Variants in ANKRD30BL observed in about 807,000 individuals in gnomAD.
The protein encoded by ANKRD30BL is putative ankyrin repeat domain-containing protein 30B-like.
A neutral mutation model predicts 18.4 loss-of-function variants in ANKRD30BL; 20 were observed. The observed-to-expected ratio is 1.09, with a 90% CI of 0.77 to 1.58. ANKRD30BL has a LOEUF of 1.58. Among genes scored for constraint, ANKRD30BL ranks in the 40% most tolerant of loss-of-function variants. The pLI is 0.00. For synonymous variants in ANKRD30BL, 72 were observed against 100.9 expected, an observed-to-expected ratio of 0.71 and a Z score of 1.72; for missense variants, 224 against 268.6, an observed-to-expected ratio of 0.83 and a Z score of 1.16.
intron 1 of ANKRD30BL, among the ~76,000 whole-genome samples, chr2:132,195,093 G>A (rs1199148568): frequency 6.6e-6 from 1 of 151,934 alleles, no homozygotes; most frequent in Non-Finnish European, 1.5e-5. Context: ...GATATAAATA[G>A]GAAAAAGTGA....
chr2:132,245,548 C>T lies in ANKRD30BL; in HGVS notation n.441+11981G>A, dbSNP rs574736234. 9.0e-3 allele frequency among the ~76,000 whole-genome samples: 1,354 copies of T among 151,244 alleles called. 4 individuals are homozygous for T. Among genetic ancestry groups the T allele is most frequent in the Non-Finnish European group, 0.013 (891 of 67,264 alleles). On this transcript the variant is annotated intron_variant and non_coding_transcript_variant, in intron 1 of 4. Transcript: ENST00000470729. ...TTTCATAGAGCAGTTTTGAAACACT[C>T]TTTTTGTTGAATCTGTAAGTTGAAA...
chr2:132,209,972 A>C (rs1377599891), intron 1 of ANKRD30BL, among the ~76,000 whole-genome samples: 1 of 152,028 alleles, frequency 6.6e-6, no homozygotes, highest in Non-Finnish European at 1.5e-5. Flanking sequence ...TTTTTGTAGA[A>C]TCTGCGAGTG....
chr2:132,166,920 C>T (rs1688197197), upstream of ANKRD30BL, among the ~76,000 whole-genome samples: 1 of 151,866 alleles, frequency 6.6e-6, no homozygotes, highest in African/African-American at 2.4e-5. Flanking sequence ...TAATAATATG[C>T]ATTTAATACT....
At chr2:132,195,010 A>G (rs1228008716) in intron 1 of ANKRD30BL, among the ~76,000 whole-genome samples, 2 of 152,220 alleles carry the variant, frequency 1.3e-5, no homozygotes, top group Non-Finnish European at 2.9e-5. Context: ...TGCTGTTCAC[A>G]GCTAGTGTGA....
At chr2:132,159,571 A>G (rs1688001025) in intron 1 of ANKRD30BL, among the ~76,000 whole-genome samples, 1 of 152,166 alleles carries the variant, frequency 6.6e-6, no homozygotes, top group Admixed American at 6.5e-5. Context: ...TAGATCTGCA[A>G]TTTATATCTC....
chr2:132,154,392 C>T (rs1221676218), intron 4 of ANKRD30BL, among the ~76,000 whole-genome samples: 2 of 152,152 alleles, frequency 1.3e-5, no homozygotes, highest in African/African-American at 4.8e-5. Context: ...TACAGAACCA[C>T]TTTAGCTAAT....
At chr2:132,209,285 T>C (rs10211537) in intron 1 of ANKRD30BL, among the ~76,000 whole-genome samples, 5,856 of 151,976 alleles carry the variant, frequency 0.039, 389 homozygotes, top group African/African-American at 0.13. Context: ...GAAACACTCT[T>C]TTTGTAGTAT....
intron 1 of ANKRD30BL, among the ~76,000 whole-genome samples, chr2:132,254,953 T>G (rs1680783101): frequency 6.6e-6 from 1 of 152,196 alleles, no homozygotes; most frequent in Non-Finnish European, 1.5e-5. Context: ...TTTTCCCATG[T>G]TGAGTCAAAT....
Position 132,150,927 on chromosome 2 carries a change from G to A in ANKRD30BL, c.664C>T (p.Gln222Ter). 1 of 623,814 alleles carries A rather than the reference G, an allele frequency of 1.6e-6. No individual in the cohort carries two copies. The highest frequency in any genetic ancestry group is 2.9e-6 in the Non-Finnish European group (1 of 348,556). 38.6% of individuals were successfully genotyped at this position (623,814 alleles called of 1,614,324 possible). ...EYKQKISKNS[Q>*]NSNPEGTSEG... ...GAGGTCTTACCTGGATTACTATTTT[G>A]AGAATTTTTAGATATCTTTTGTTTA... Residue 222 changes from glutamine to a stop codon, truncating the protein, a stop_gained, in exon 5 of 6, where the codon CAA becomes TAA. Coordinates refer to ENST00000409867, the MANE Select transcript of ANKRD30BL (RefSeq NM_001358416.1). LOFTEE classifies it high-confidence loss of function.
intron 1 of ANKRD30BL, among the ~76,000 whole-genome samples, chr2:132,255,391 C>CT (rs2104814913): frequency 6.8e-6 from 1 of 147,310 alleles, no homozygotes; most frequent in South Asian, 2.2e-4. Flanking sequence ...TTTGAACACT[C>CT]TAATTTTTTC....
chr2:132,249,425 CA>C (rs1680591604), intron 1 of ANKRD30BL, among the ~76,000 whole-genome samples: 1 of 152,142 alleles, frequency 6.6e-6, no homozygotes, highest in African/African-American at 2.4e-5. Context: ...TCACACATCA[CA>C]AATCAGTTTC....
At chr2:132,163,292 A>G (rs936427297), upstream of ANKRD30BL, among the ~76,000 whole-genome samples, 9 of 152,080 alleles carry the variant, frequency 5.9e-5, no homozygotes, top group African/African-American at 2.2e-4. Context: ...CTCTATAAAA[A>G]TAAAACCAAT....
Position 132,221,197 on chromosome 2 carries a change from G to C in ANKRD30BL, n.441+36332C>G, listed in dbSNP as rs573932568. Among the ~76,000 whole-genome samples, 700 of 145,680 alleles carry C rather than the reference G, an allele frequency of 4.8e-3. 5 individuals are homozygous for C. Among genetic ancestry groups the C allele is most frequent in the Non-Finnish European group, 8.2e-3 (557 of 67,554 alleles). ...CCCCATCCGCGAGGGAGGTGGGGGG[G>C]GGTCAGCCCCCCGCCCGGCCAGCCG... On this transcript the variant is annotated intron_variant and non_coding_transcript_variant, in intron 1 of 4. Transcript: ENST00000470729.
intron 1 of ANKRD30BL, among the ~76,000 whole-genome samples, chr2:132,201,936 TA>T: frequency 6.6e-6 from 1 of 152,206 alleles, no homozygotes; most frequent in African/African-American, 2.4e-5. Flanking sequence ...ATGTGGCACA[TA>T]TACACCACGG....
Position 132,150,916 on chromosome 2 carries a change from A to C in ANKRD30BL, c.675T>G (p.Asn225Lys), listed in dbSNP as rs1687738777. ...QKISKNSQNSNPEGTSEGTPD... is the reference protein window; with the variant it reads ...QKISKNSQNSKPEGTSEGTPD... ...GTTTACTATCAGAGGTCTTACCTGG[A>C]TTACTATTTTGAGAATTTTTAGATA... is the stretch of plus-strand genomic sequence containing the variant. The change falls in exon 5 of 6, where the codon AAT becomes AAG. Residue 225 changes from asparagine (N) to lysine (K), a missense_variant. Asn to Lys is a moderately conservative substitution (Grantham distance 94, BLOSUM62 0). This residue lies in a region of ANKRD30BL where 63 missense variants were observed against 62.3 expected (regional missense o/e 1.01). Coordinates refer to ENST00000409867, the MANE Select transcript of ANKRD30BL (RefSeq NM_001358416.1). The C allele has an allele frequency of 1.6e-6, 1 of 627,844 alleles. No individual in the cohort carries two copies. The highest frequency in any genetic ancestry group is 2.9e-6 in the Non-Finnish European group (1 of 350,594). The allele number at this position is 627,844 out of a possible 1,614,324, so 38.9% of individuals were successfully genotyped here.
rs866658631 is a variant in ANKRD30BL at position 132,221,839 on chromosome 2, C to T, written n.441+35690G>A. On this transcript the variant is annotated intron_variant and non_coding_transcript_variant, in intron 1 of 4. Transcript: ENST00000470729. ...GAGGTGGGGGGGTCAGCCCCCCGCCCGGCCAGCCGCCCCGTCCGGGAGGGG... is the reference window on the plus strand; with the variant it reads ...GAGGTGGGGGGGTCAGCCCCCCGCCTGGCCAGCCGCCCCGTCCGGGAGGGG... Among the ~76,000 whole-genome samples, 851 of 112,408 alleles carry T rather than the reference C, an allele frequency of 7.6e-3. 32 individuals are homozygous for T. Among genetic ancestry groups the T allele is most frequent in the African/African-American group, 0.038 (777 of 20,492 alleles). 73.7% of individuals were successfully genotyped at this position (112,408 alleles called of 152,430 possible). A position where few individuals can be genotyped will look rare whatever the true frequency, so the allele number is the denominator to read the frequency against.
intron 1 of ANKRD30BL, among the ~76,000 whole-genome samples, chr2:132,222,035 G>T (rs1288970155): frequency 7.9e-6 from 1 of 127,268 alleles, no homozygotes; most frequent in Non-Finnish European, 1.6e-5. Context: ...CCCTGTCCGG[G>T]AGGGAGGCGG....
intron 1 of ANKRD30BL, among the ~76,000 whole-genome samples, chr2:132,243,224 C>A (rs904279446): frequency 3.3e-5 from 5 of 151,478 alleles, no homozygotes; most frequent in Non-Finnish European, 7.4e-5. Context: ...GAATTATCCT[C>A]ACATAACAAA....
At chr2:132,148,350 TCC>T (rs1687664916) in intron 5 of ANKRD30BL, 122 bp from the exon 6 acceptor site, 1 of 408,376 alleles carries the variant, frequency 2.4e-6, no homozygotes. Flanking sequence ...TTTTGTTTTC[TCC>T]TTTTTTTTTT....
Sources: gnomAD v4.1 joint callset for allele counts (sites outside exome capture counted in the v4.1 genomes callset) on GRCh38, gnomAD v4.1.1 for gene constraint, gnomAD v4.1.1 regional missense constraint, MANE v1.5 for transcripts, NCBI Gene and HGNC (gene_info 2026-07-23, HGNC 2026-07-21) for gene names.